Variants in ARMH3 observed in about 807,000 individuals in gnomAD.
The protein encoded by ARMH3 is armadillo like helical domain containing 3, also known as armadillo-like helical domain-containing protein 3.
Under a neutral mutation model 99.1 loss-of-function variants are expected in ARMH3, and 60 were observed. The ratio of observed to expected loss-of-function variants is 0.61; its 90% CI spans 0.49 to 0.75. ARMH3 has a LOEUF of 0.75. ARMH3 is among the 30% of genes least tolerant of loss of function. The pLI, the probability that ARMH3 is intolerant of heterozygous loss-of-function variation, is 0.00. For missense variants in ARMH3, 679 were observed against 843.1 expected (o/e 0.81, Z 2.41); for synonymous variants, 285 against 292.8 (o/e 0.97, Z 0.27).
chr10:101,890,534 G>T (rs771974274), intron 23 of ARMH3, among the ~76,000 whole-genome samples: 18 of 152,140 alleles, frequency 1.2e-4, no homozygotes, highest in Admixed American at 3.9e-4. Flanking sequence ...GAGCCACAGC[G>T]GCTGGCCAAC....
intron 24 of ARMH3, among the ~76,000 whole-genome samples, chr10:101,851,839 T>C (rs1195187872): frequency 3.3e-5 from 5 of 152,190 alleles, no homozygotes; most frequent in African/African-American, 7.2e-5. Context: ...CAGACTGTAG[T>C]ATAGGCTGGT....
At chr10:101,975,444 C>T in intron 19 of ARMH3, 144 bp from the exon 20 acceptor site, 2 of 520,778 alleles carry the variant, frequency 3.8e-6, no homozygotes, top group South Asian at 2.1e-5. Context: ...ATATACAAAA[C>T]TTCTGGCCGG....
At chr10:102,051,522 G>A (rs2067707742) in intron 1 of ARMH3, among the ~76,000 whole-genome samples, 1 of 151,882 alleles carries the variant, frequency 6.6e-6, no homozygotes, top group African/African-American at 2.4e-5. Flanking sequence ...GTCAACTCAG[G>A]ACATCACCTG....
intron 3 of ARMH3, 31 bp downstream of exon 3, chr10:102,033,252 A>C (rs781107406): frequency 1.2e-6 from 2 of 1,613,800 alleles, no homozygotes; most frequent in African/African-American, 2.7e-5. Flanking sequence ...TTTAGTTACC[A>C]GGAAATTCCA....
At chr10:101,966,586 C>T (rs775934367) in intron 20 of ARMH3, among the ~76,000 whole-genome samples, 1 of 151,988 alleles carries the variant, frequency 6.6e-6, no homozygotes, top group Non-Finnish European at 1.5e-5. Context: ...GAGTTGAATA[C>T]GATCCATCTG....
intron 20 of ARMH3, among the ~76,000 whole-genome samples, chr10:101,973,766 T>TG (rs1845875277): frequency 6.6e-6 from 1 of 152,200 alleles, no homozygotes; most frequent in Admixed American, 6.5e-5. Flanking sequence ...AATCAGAAGA[T>TG]GCAGGCGGAA....
At chr10:101,999,285 G>T (rs747600998) in intron 15 of ARMH3, among the ~76,000 whole-genome samples, 1 of 151,616 alleles carries the variant, frequency 6.6e-6, no homozygotes, top group African/African-American at 2.4e-5. Flanking sequence ...TCCGCCTCCC[G>T]CATTCAAGCG....
chr10:102,043,875 C>T (rs2067479035), intron 1 of ARMH3, among the ~76,000 whole-genome samples: 1 of 152,176 alleles, frequency 6.6e-6, no homozygotes, highest in Admixed American at 6.5e-5. Context: ...CTGTTAGTCA[C>T]GTGAGCTGCT....
chr10:101,846,889 A>G lies in ARMH3; in HGVS notation c.*639T>C, dbSNP rs1348592092. ...GCAGGAGAATCGCTTGAACCCAGGAAGCGGAGGCTGCAGTAAAGCCGAGAT... is the reference window on the plus strand; with the variant it reads ...GCAGGAGAATCGCTTGAACCCAGGAGGCGGAGGCTGCAGTAAAGCCGAGAT... On this transcript the variant is annotated 3_prime_UTR_variant, in exon 26 of 26. Transcript: ENST00000370033. 4 of 152,556 alleles carry G rather than the reference A, an allele frequency of 2.6e-5. No individual in the cohort carries two copies. Among genetic ancestry groups the G allele is most frequent in the Admixed American group, 2.0e-4 (3 of 15,302 alleles). The allele number at this position is 152,556 out of a possible 1,614,324, so 9.5% of individuals were successfully genotyped here.
chr10:101,948,813 C>T (rs761187771), intron 22 of ARMH3, among the ~76,000 whole-genome samples: 1 of 151,702 alleles, frequency 6.6e-6, no homozygotes, highest in Non-Finnish European at 1.5e-5. Context: ...TGGAATGGAC[C>T]ATTTACCAAG....
chr10:101,978,877 T>G (rs12569597), intron 19 of ARMH3, among the ~76,000 whole-genome samples: 6 of 151,600 alleles, frequency 4.0e-5, no homozygotes, highest in African/African-American at 1.5e-4. Context: ...GAGGTCGAAG[T>G]TGCAGTGAGC....
chr10:101,908,777 C>T (rs1842744325), intron 23 of ARMH3, among the ~76,000 whole-genome samples: 1 of 151,602 alleles, frequency 6.6e-6, no homozygotes, highest in Admixed American at 6.6e-5. Context: ...GATTCTCCTG[C>T]CTCAGCCTCC....
intron 24 of ARMH3, among the ~76,000 whole-genome samples, chr10:101,872,788 T>C (rs1337774182): frequency 3.3e-5 from 5 of 151,866 alleles, no homozygotes; most frequent in Non-Finnish European, 7.4e-5. Context: ...TGAAACCCCA[T>C]CTCTACTAAA....
chr10:101,994,676 C>A (rs1397360006), intron 16 of ARMH3, among the ~76,000 whole-genome samples: 3 of 152,144 alleles, frequency 2.0e-5, no homozygotes, highest in African/African-American at 7.2e-5. Context: ...TTCCAATTCC[C>A]CTCTCTGGCT....
chr10:101,870,925 G>GT (rs886698258), intron 24 of ARMH3, among the ~76,000 whole-genome samples: 1 of 152,034 alleles, frequency 6.6e-6, no homozygotes, highest in Non-Finnish European at 1.5e-5. Context: ...GGATGACAGA[G>GT]TAAGACCCTG....
At chr10:101,928,038 C>T (rs1403497999) in intron 23 of ARMH3, among the ~76,000 whole-genome samples, 1 of 152,192 alleles carries the variant, frequency 6.6e-6, no homozygotes, top group Non-Finnish European at 1.5e-5. Context: ...TGCGTCACTG[C>T]ACTCCCGCCT....
intron 1 of ARMH3, among the ~76,000 whole-genome samples, chr10:102,043,579 TAAAG>T: frequency 6.6e-6 from 1 of 152,198 alleles, no homozygotes; most frequent in East Asian, 1.9e-4. Context: ...TATGGGATAA[TAAAG>T]GAGAGAAAGA....
intron 13 of ARMH3, among the ~76,000 whole-genome samples, chr10:102,008,157 T>C (rs192205683): frequency 4.8e-4 from 73 of 152,324 alleles, no homozygotes; most frequent in East Asian, 1.2e-3. Context: ...GTGAAAATAA[T>C]AACTAAAGTC....
intron 19 of ARMH3, among the ~76,000 whole-genome samples, chr10:101,978,520 AGGTGCAGT>A (rs1449475356): frequency 6.6e-6 from 1 of 152,218 alleles, no homozygotes; most frequent in Non-Finnish European, 1.5e-5. Context: ...CAAACAGGCT[AGGTGCAGT>A]GGCTCACATC....
Sources: gnomAD v4.1 joint callset for allele counts (sites outside exome capture counted in the v4.1 genomes callset) on GRCh38, gnomAD v4.1.1 for gene constraint, MANE v1.5 for transcripts, NCBI Gene and HGNC (gene_info 2026-07-23, HGNC 2026-07-21) for gene names.